CDHR1: variants seen among roughly 807,000 people sequenced by gnomAD.
CDHR1 encodes the protein cadherin related family member 1.
In CDHR1, 61 loss-of-function variants were observed where a neutral mutation model predicts 72.1. That is an observed-to-expected ratio of 0.85 (90% confidence interval 0.69 to 1.05). The LOEUF (loss-of-function observed/expected upper bound fraction) is 1.05. Ranked by LOEUF, CDHR1 falls within the 50% of genes least tolerant of loss-of-function variation. CDHR1 has a pLI of 0.00. For missense variants in CDHR1, 1,186 were observed against 1,115.7 expected, an observed-to-expected ratio of 1.06 and a Z score of -0.90; for synonymous variants, 470 against 448.1, an observed-to-expected ratio of 1.05 and a Z score of -0.62.
chr10:84,199,350 A>G (rs1842083526), intron 5 of CDHR1, among the ~76,000 whole-genome samples: 1 of 152,206 alleles, frequency 6.6e-6, no homozygotes, highest in Non-Finnish European at 1.5e-5. Context: ...GAGAAACTAG[A>G]GTTTTCAAAA....
rs572616777 is a variant in CDHR1, at chr10:84,208,345, G to A, written c.1135G>A (p.Gly379Ser). The stretch of plus-strand genomic sequence containing the variant: ...CCCACCCCAGGGAGAGATCCTGCGG[G>A]GCCTCAAGATCACCGTCAATGACTC... ...EHPPQGEILR[G>S]LKITVNDSDQ... Residue 379 changes from glycine to serine, a missense_variant, in exon 11 of 17, where the codon GGC (glycine) becomes AGC (serine). By Grantham distance (56) the Gly-to-Ser change is moderately conservative. Transcript: ENST00000623527. The A allele has an allele frequency of 1.8e-5, 29 of 1,614,098 alleles. No homozygotes were observed. In the South Asian group the frequency reaches 2.4e-4, roughly 13 times the overall value.
At chr10:84,202,809 A>G (rs955857685) in intron 7 of CDHR1, among the ~76,000 whole-genome samples, 171 bp from the exon 8 acceptor site, 1 of 152,256 alleles carries the variant, frequency 6.6e-6, no homozygotes, top group African/African-American at 2.4e-5. Flanking sequence ...AACATTCCCA[A>G]CACTCCTGTG....
rs373361950 is a variant in CDHR1, at chr10:84,205,794, G to C, written c.863-33G>C. 2.0e-6 allele frequency: 3 copies of C among 1,520,266 alleles called. No individual in the cohort carries two copies. In the African/African-American group the frequency reaches 4.1e-5, roughly 21 times the overall value. The allele number at this position is 1,520,266 out of a possible 1,614,324, so 94.2% of individuals were successfully genotyped here. A position where few individuals can be genotyped will look rare whatever the true frequency, so the allele number is the denominator to read the frequency against. ...CTCCCCTGCGCCTCCCTGTGGTCCT[G>C]TGCAGAACTTCAGGGTGCATCTCCC... On this transcript the variant is annotated intron_variant, in intron 9 of 16. Coordinates refer to ENST00000623527, the MANE Select transcript of CDHR1 (RefSeq NM_033100.4).
chr10:84,212,016 T>C (rs1842340829), intron 14 of CDHR1, among the ~76,000 whole-genome samples, 163 bp from the exon 15 acceptor site: 1 of 152,192 alleles, frequency 6.6e-6, no homozygotes, highest in African/African-American at 2.4e-5. Flanking sequence ...TGGATCTACC[T>C]CACTTAGATT....
intron 2 of CDHR1, 85 bp downstream of exon 2, chr10:84,195,674 C>A: frequency 8.4e-7 from 1 of 1,185,748 alleles, no homozygotes; most frequent in Non-Finnish European, 1.2e-6. Context: ...AGGCACCACC[C>A]AAGTTGCTGC....
chr10:84,207,891 T>G lies in CDHR1; in HGVS notation c.964-283T>G, dbSNP rs540307794. Among the ~76,000 whole-genome samples, 9 of 152,334 alleles carry G rather than the reference T, an allele frequency of 5.9e-5. No individual in the cohort carries two copies. In the South Asian group the frequency reaches 1.9e-3, roughly 32 times the overall value. ...TGGACTAAGAGGTTCAGCTCCTTGCTGGCTGTTGGCTAGAGGTCACCATTA... is the reference window on the plus strand; with the variant it reads ...TGGACTAAGAGGTTCAGCTCCTTGCGGGCTGTTGGCTAGAGGTCACCATTA... On this transcript the variant is annotated intron_variant, in intron 10 of 16. Coordinates refer to ENST00000623527, the MANE Select transcript of CDHR1 (RefSeq NM_033100.4).
chr10:84,199,476 G>A (rs542573902), intron 5 of CDHR1, among the ~76,000 whole-genome samples: 2 of 152,258 alleles, frequency 1.3e-5, no homozygotes, highest in Non-Finnish European at 1.5e-5. Flanking sequence ...GCATAGTTGT[G>A]ATTATACTAA....
chr10:84,211,144 C>G lies in CDHR1; in HGVS notation c.1464C>G (p.Gly488=). ...VARIPENAPG[G]SSVVAVTAVD... is the part of the protein sequence containing the mutation. ...GGATTCCTGAGAACGCCCCAGGGGG[C>G]TCCAGCGTGGTGGCTGTCACAGTGG... The change falls in exon 13 of 17, where the codon GGC becomes GGG. Residue 488 remains glycine, a synonymous_variant. Transcript: ENST00000623527. 6.2e-7 allele frequency: 1 copy of G among 1,614,238 alleles called. No individual in the cohort carries two copies. The highest frequency in any genetic ancestry group is 8.5e-7 in the Non-Finnish European group (1 of 1,180,044).
rs1006609923 is a variant in CDHR1 at position 84,194,673 on chromosome 10, C to T, written c.-88C>T. The T allele has an allele frequency of 1.9e-6, 2 of 1,077,758 alleles. No homozygotes were observed. Among genetic ancestry groups the T allele is most frequent in the African/African-American group, 1.7e-5 (1 of 58,784 alleles). The allele number at this position is 1,077,758 out of a possible 1,614,324, so 66.8% of individuals were successfully genotyped here. A position where few individuals can be genotyped will look rare whatever the true frequency, so the allele number is the denominator to read the frequency against. ...CAGTCGCCGCTACCCCCATTGTGGTCTCTGCCCTCCCCGCGGGCCCAGGGC... is the reference window on the plus strand; with the variant it reads ...CAGTCGCCGCTACCCCCATTGTGGTTTCTGCCCTCCCCGCGGGCCCAGGGC... On this transcript the variant is annotated 5_prime_UTR_variant, in exon 1 of 17. Transcript: ENST00000623527.
rs777630035 is a variant in CDHR1, at chr10:84,194,820, G to C, written c.55+5G>C. The C allele has an allele frequency of 6.5e-7, 1 of 1,533,062 alleles. No homozygotes were observed. The highest frequency in any genetic ancestry group is 8.7e-7 in the Non-Finnish European group (1 of 1,145,958). The allele number at this position is 1,533,062 out of a possible 1,614,324, so 95.0% of individuals were successfully genotyped here. A position where few individuals can be genotyped will look rare whatever the true frequency, so the allele number is the denominator to read the frequency against. ...GGCTGCTGCGCCTCTGCTTGGGTGA[G>C]TGGCCGCTGGGCCGCGCTGGCCGCG... On this transcript the variant is annotated splice_donor_5th_base_variant and intron_variant, in intron 1 of 16. Transcript: ENST00000623527.
chr10:84,213,421 C>A (rs1477988401), intron 16 of CDHR1, 73 bp downstream of exon 16: 3 of 1,584,830 alleles, frequency 1.9e-6, no homozygotes, highest in African/African-American at 1.3e-5. Flanking sequence ...GTGGGCAGAG[C>A]GAGAAGGACC....
In CDHR1 at chr10:84,214,795, G is replaced by T. The variant is rs1842401595; in HGVS notation, c.*174G>T. The T allele has an allele frequency of 1.8e-5, 28 of 1,539,322 alleles. 1 individual carries two copies. Among genetic ancestry groups the T allele is most frequent in the Middle Eastern group, 2.2e-4 (1 of 4,582 alleles). On this transcript the variant is annotated 3_prime_UTR_variant, in exon 17 of 17. Transcript: ENST00000623527. ...ACCTTCTGGCGCAACAAGAAGTTGC[G>T]CTCTGACAGGGCTCTAGTCAGGGCC...
At chr10:84,205,073 T>A (rs1048317964) in intron 9 of CDHR1, among the ~76,000 whole-genome samples, 5 of 152,142 alleles carry the variant, frequency 3.3e-5, no homozygotes, top group Non-Finnish European at 1.5e-5. Flanking sequence ...TGAGTAGGCA[T>A]CCCAAGTTTC....
intron 6 of CDHR1, among the ~76,000 whole-genome samples, 193 bp downstream of exon 6, chr10:84,200,880 T>C (rs1842112753): frequency 6.6e-6 from 1 of 152,058 alleles, no homozygotes. Flanking sequence ...CATCCTGGCG[T>C]CCTCTAAGTC....
In CDHR1 at chr10:84,204,082, T is replaced by TA. The variant is rs1460747468; in HGVS notation, c.784-441dup. 5.9e-5 allele frequency among the ~76,000 whole-genome samples: 9 copies of TA among 152,298 alleles called. No homozygotes were observed. The East Asian group carries it at 1.4e-3, about 23-fold the overall frequency. ...CCAGCAGCACCAAAGGCCCACAGGA[T>TA]AAAATCTTAATTCTGGGACCTCGCA... On this transcript the variant is annotated intron_variant, in intron 8 of 16. Transcript: ENST00000623527.
In CDHR1 at chr10:84,211,907, C is replaced by A. The variant is rs185308904; in HGVS notation, c.1553+192C>A. ...AGGGCCCAGGACCTCAGGAGCCAGG[C>A]AAGCAGGGCTGGCTGGGGAGGGGGC... On this transcript the variant is annotated intron_variant, in intron 14 of 16. Coordinates refer to ENST00000623527, the MANE Select transcript of CDHR1 (RefSeq NM_033100.4). Among the ~76,000 whole-genome samples, 748 of 152,270 alleles carry A rather than the reference C, an allele frequency of 4.9e-3. 8 individuals are homozygous for A. Among genetic ancestry groups the A allele is most frequent in the African/African-American group, 0.017 (715 of 41,550 alleles).
At position 84,194,818 on chromosome 10, in the gene CDHR1, G is replaced by A; in HGVS notation, c.55+3G>A. 3 of 1,533,080 alleles carry A rather than the reference G, an allele frequency of 2.0e-6. No individual in the cohort carries two copies. The highest frequency in any genetic ancestry group is 2.6e-6 in the Non-Finnish European group (3 of 1,145,996). The allele number at this position is 1,533,080 out of a possible 1,614,324, so 95.0% of individuals were successfully genotyped here. On this transcript the variant is annotated splice_donor_region_variant and intron_variant, in intron 1 of 16. Transcript: ENST00000623527. ...GGGGCTGCTGCGCCTCTGCTTGGGT[G>A]AGTGGCCGCTGGGCCGCGCTGGCCG...
At chr10:84,196,391 C>A in intron 2 of CDHR1, 114 bp from the exon 3 acceptor site, 1 of 1,136,868 alleles carries the variant, frequency 8.8e-7, no homozygotes, top group Non-Finnish European at 1.3e-6. Flanking sequence ...GTACCTTTGG[C>A]ACTGAGTTGA....
At chr10:84,213,914 CTG>C (rs1398262793) in intron 16 of CDHR1, among the ~76,000 whole-genome samples, 166 bp from the exon 17 acceptor site, 2 of 152,218 alleles carry the variant, frequency 1.3e-5, no homozygotes, top group East Asian at 3.9e-4. Flanking sequence ...CATGCTCTCT[CTG>C]TGTGCATTTT....
Sources: allele counts gnomAD v4.1 joint callset (sites outside exome capture counted in the v4.1 genomes callset), GRCh38; gene constraint gnomAD v4.1.1; transcripts MANE v1.5; gene names NCBI Gene and HGNC (gene_info 2026-07-23, HGNC 2026-07-21).